The following PLCL1 variants were observed in gnomAD, a reference collection of about 807,000 sequenced individuals.
PLCL1 encodes the protein phospholipase C like 1 (inactive), also known as inactive phospholipase C-like protein 1.
PLCL1 carries 41 observed loss-of-function variants against 84.4 expected under a neutral mutation model. That is an observed-to-expected ratio of 0.49 (90% confidence interval 0.38 to 0.63). PLCL1 has a LOEUF of 0.63. Among genes scored for constraint, PLCL1 ranks in the 30% least tolerant of loss-of-function variants. The probability of loss-of-function intolerance (pLI) is 0.00; values close to 1 mark genes in which losing one functional copy is unlikely to be tolerated. For missense variants in PLCL1, 1,206 were observed against 1,367.8 expected, an observed-to-expected ratio of 0.88 and a Z score of 1.87; for synonymous variants, 490 against 488.3, an observed-to-expected ratio of 1.00 and a Z score of -0.05.
intron 1 of PLCL1, among the ~76,000 whole-genome samples, chr2:197,967,950 T>C (rs916437349): frequency 6.6e-6 from 1 of 152,216 alleles, no homozygotes; most frequent in Non-Finnish European, 1.5e-5. Flanking sequence ...GCCTACTCTC[T>C]TCCACTCACC....
chr2:198,110,823 G>C (rs1693600980), intron 5 of PLCL1, among the ~76,000 whole-genome samples: 1 of 151,770 alleles, frequency 6.6e-6, no homozygotes, highest in Admixed American at 6.6e-5. Context: ...TGTCTATTGA[G>C]AACTTTTCCA....
intron 1 of PLCL1, among the ~76,000 whole-genome samples, chr2:197,813,285 A>G (rs1442428491): frequency 3.3e-5 from 5 of 152,172 alleles, no homozygotes; most frequent in Admixed American, 3.3e-4. Flanking sequence ...CTTCCTCCCC[A>G]TATAACATAC....
intron 1 of PLCL1, among the ~76,000 whole-genome samples, chr2:197,903,330 G>T (rs746473613): frequency 6.6e-6 from 1 of 152,018 alleles, no homozygotes; most frequent in Non-Finnish European, 1.5e-5. Context: ...CAGCTGATGA[G>T]CCCCAGTTTG....
chr2:197,959,372 G>A (rs1292151249), intron 1 of PLCL1, among the ~76,000 whole-genome samples: 1 of 151,932 alleles, frequency 6.6e-6, no homozygotes, highest in Non-Finnish European at 1.5e-5. Context: ...TCTACTGATT[G>A]GATAAGACCT....
intron 1 of PLCL1, among the ~76,000 whole-genome samples, chr2:197,901,878 C>T (rs568437936): frequency 3.3e-5 from 5 of 152,216 alleles, no homozygotes; most frequent in East Asian, 3.9e-4. Flanking sequence ...CCTCTCATTT[C>T]GACTCCAAGT....
chr2:198,003,551 G>T (rs575283656), intron 1 of PLCL1, among the ~76,000 whole-genome samples: 4 of 152,284 alleles, frequency 2.6e-5, no homozygotes, highest in East Asian at 1.9e-4. Context: ...CTAGCTTTTA[G>T]ACCTTCTACT....
At chr2:197,964,208 T>C (rs1689682528) in intron 1 of PLCL1, among the ~76,000 whole-genome samples, 2 of 152,174 alleles carry the variant, frequency 1.3e-5, no homozygotes, top group Non-Finnish European at 2.9e-5. Flanking sequence ...GTTCTAACAG[T>C]ATTAATTCTT....
At chr2:197,994,780 T>A (rs1444931623) in intron 1 of PLCL1, among the ~76,000 whole-genome samples, 1 of 152,324 alleles carries the variant, frequency 6.6e-6, no homozygotes, top group East Asian at 1.9e-4. Context: ...TACTTTTAAA[T>A]GTATTTTAAT....
chr2:198,110,410 A>G (rs570898380), intron 5 of PLCL1, among the ~76,000 whole-genome samples: 29 of 152,034 alleles, frequency 1.9e-4, no homozygotes, highest in African/African-American at 5.8e-4. Context: ...AGATTCCCTC[A>G]CTGAATTCCC....
At chr2:198,128,796 C>A (rs1035843233) in intron 5 of PLCL1, among the ~76,000 whole-genome samples, 1 of 152,148 alleles carries the variant, frequency 6.6e-6, no homozygotes, top group Non-Finnish European at 1.5e-5. Flanking sequence ...ACTATAAGTT[C>A]TTCCCAAAGT....
intron 1 of PLCL1, among the ~76,000 whole-genome samples, chr2:197,823,527 A>C (rs1176093192): frequency 6.6e-6 from 1 of 152,148 alleles, no homozygotes; most frequent in Admixed American, 6.5e-5. Context: ...AATTGTCAGG[A>C]CTTCTCAGAT....
At chr2:198,050,126 A>G (rs1378087421) in intron 1 of PLCL1, among the ~76,000 whole-genome samples, 1 of 152,208 alleles carries the variant, frequency 6.6e-6, no homozygotes. Context: ...TGTAGTGTGC[A>G]GTCTGACACA....
At chr2:198,115,528 G>T (rs1202742006) in intron 5 of PLCL1, among the ~76,000 whole-genome samples, 1 of 151,822 alleles carries the variant, frequency 6.6e-6, no homozygotes, top group African/African-American at 2.4e-5. Flanking sequence ...CTCAGATAAA[G>T]TTGAGCATTG....
intron 1 of PLCL1, among the ~76,000 whole-genome samples, chr2:197,969,226 G>A (rs1176721659): frequency 2.0e-5 from 3 of 152,140 alleles, no homozygotes; most frequent in Non-Finnish European, 4.4e-5. Flanking sequence ...AAAGTTTGGC[G>A]ACCACTGATT....
At chr2:197,876,412 T>A (rs1000798876) in intron 1 of PLCL1, among the ~76,000 whole-genome samples, 1 of 152,096 alleles carries the variant, frequency 6.6e-6, no homozygotes, top group Non-Finnish European at 1.5e-5. Context: ...ACTTGATAGG[T>A]CAGTTAGATT....
At chr2:197,911,921 A>G (rs80280719) in intron 1 of PLCL1, among the ~76,000 whole-genome samples, 2,293 of 152,266 alleles carry the variant, frequency 0.015, 64 homozygotes, top group African/African-American at 0.052. Context: ...GAGTCTCTGG[A>G]AAGTTATACT....
At chr2:198,004,154 C>CTTTTT (rs546204687) in intron 1 of PLCL1, among the ~76,000 whole-genome samples, 6 of 151,450 alleles carry the variant, frequency 4.0e-5, no homozygotes, top group African/African-American at 1.5e-4. Context: ...TTTTTAAAAG[C>CTTTTT]AAGTCTGGAA....
chr2:197,831,985 C>T (rs908604083), intron 1 of PLCL1, among the ~76,000 whole-genome samples: 8 of 152,076 alleles, frequency 5.3e-5, no homozygotes, highest in South Asian at 4.2e-4. Flanking sequence ...GTACCAGAAT[C>T]GCTGGGACAC....
At chr2:198,080,195 A>G (rs1692676780) in intron 1 of PLCL1, among the ~76,000 whole-genome samples, 1 of 152,252 alleles carries the variant, frequency 6.6e-6, no homozygotes, top group Admixed American at 6.5e-5. Context: ...GGAAAGTGCC[A>G]AAAGTACCCA....
Sources: allele counts gnomAD v4.1 joint callset (sites outside exome capture counted in the v4.1 genomes callset), GRCh38; gene constraint gnomAD v4.1.1; transcripts MANE v1.5; gene names NCBI Gene and HGNC (gene_info 2026-07-23, HGNC 2026-07-21).